PHF2: variants seen among roughly 807,000 people sequenced by gnomAD.
The protein encoded by PHF2 is lysine-specific demethylase PHF2.
PHF2 carries 27 observed loss-of-function variants against 120.5 expected under a neutral mutation model. That is an observed-to-expected ratio of 0.22 (90% CI 0.17 to 0.31). The LOEUF (loss-of-function observed/expected upper bound fraction) is 0.31. PHF2 is among the 10% of genes least tolerant of loss of function. The pLI is 1.00. For synonymous variants in PHF2, 568 were observed against 592.5 expected (o/e 0.96, Z 0.60); for missense variants, 1,024 against 1,434.8 (o/e 0.71, Z 4.63).
At chr9:93,648,939 C>T (rs908249558) in intron 4 of PHF2, 132 bp from the exon 5 acceptor site, 93 of 993,548 alleles carry the variant, frequency 9.4e-5, no homozygotes, top group African/African-American at 1.5e-4. Context: ...CTAGAGCCTC[C>T]GCATCCAGCC....
At chr9:93,676,020 G>C (rs1425224181) in intron 20 of PHF2, among the ~76,000 whole-genome samples, 1 of 152,204 alleles carries the variant, frequency 6.6e-6, no homozygotes, top group Non-Finnish European at 1.5e-5. Flanking sequence ...CCTGACACTG[G>C]ACAGCCCTAT....
intron 1 of PHF2, among the ~76,000 whole-genome samples, chr9:93,604,165 G>A (rs1331121641): frequency 3.3e-5 from 5 of 152,182 alleles, no homozygotes; most frequent in African/African-American, 9.7e-5. Flanking sequence ...AGGTTGATGT[G>A]TGGTAGGGAA....
intron 3 of PHF2, among the ~76,000 whole-genome samples, chr9:93,639,930 C>G (rs1335479083): frequency 1.3e-5 from 2 of 152,202 alleles, no homozygotes; most frequent in Admixed American, 6.5e-5. Flanking sequence ...AGTCTTGGTC[C>G]AAATATCACA....
At position 93,679,261 on chromosome 9, in the gene PHF2, G is replaced by T; in HGVS notation, c.*1585G>T. On this transcript the variant is annotated 3_prime_UTR_variant, in exon 22 of 22. Transcript: ENST00000359246. ...CACTTGTCCTGTTTGGAGGGACGCA[G>T]TCCCTAGGGCCCGAGACTGGGTGGG... The T allele has an allele frequency of 2.2e-6, 1 of 456,028 alleles. No individual in the cohort carries two copies. Among genetic ancestry groups the T allele is most frequent in the Non-Finnish European group, 4.4e-6 (1 of 226,958 alleles). The allele number at this position is 456,028 out of a possible 1,614,324, so 28.2% of individuals were successfully genotyped here.
rs146542386 is a variant in PHF2, at chr9:93,591,949, C to G, written c.98+15078C>G. ...TCTGGGCTGTGAATACATACCTGCC[C>G]GAGGGCATTGCTGGGAGAGCCAGCT... On this transcript the variant is annotated intron_variant, in intron 1 of 21. Coordinates refer to ENST00000359246, the MANE Select transcript of PHF2 (RefSeq NM_005392.4). 7.6e-4 allele frequency among the ~76,000 whole-genome samples: 116 copies of G among 152,344 alleles called. 1 individual carries two copies. Among genetic ancestry groups the G allele is most frequent in the African/African-American group, 2.5e-3 (106 of 41,586 alleles).
intron 1 of PHF2, among the ~76,000 whole-genome samples, chr9:93,588,046 A>G (rs1863090733): frequency 6.6e-6 from 1 of 152,126 alleles, no homozygotes; most frequent in Non-Finnish European, 1.5e-5. Context: ...GGAGGCCCCC[A>G]TGACAGTGAG....
At chr9:93,662,553 TG>T (rs1826591567) in intron 12 of PHF2, among the ~76,000 whole-genome samples, 1 of 149,950 alleles carries the variant, frequency 6.7e-6, no homozygotes, top group Non-Finnish European at 1.5e-5. Flanking sequence ...GATGGATGGA[TG>T]GATGGATGGA....
At chr9:93,577,754 C>T (rs1429058029) in intron 1 of PHF2, among the ~76,000 whole-genome samples, 1 of 152,208 alleles carries the variant, frequency 6.6e-6, no homozygotes, top group African/African-American at 2.4e-5. Flanking sequence ...CCCCCGCCCT[C>T]TTGGCCCTTG....
chr9:93,627,492 A>ATTTTTTTTGTTTTTTTTTTTTTTT (rs1825932217), intron 1 of PHF2, among the ~76,000 whole-genome samples: 1 of 108,176 alleles, frequency 9.2e-6, no homozygotes, highest in Non-Finnish European at 1.8e-5. Context: ...TTATTTCAGG[A>ATTTTTTTTGTTTTTTTTTTTTTTT]TTTTTTTTTT....
chr9:93,671,249 TAGATGC>T lies in PHF2; in HGVS notation c.2349-2333_2349-2328del, dbSNP rs1200447725. The T allele has an allele frequency of 4.1e-5, 38 of 924,408 alleles. 1 individual carries two copies. The highest frequency in any genetic ancestry group is 1.3e-4 in the East Asian group (1 of 7,840). The allele number at this position is 924,408 out of a possible 1,614,324, so 57.3% of individuals were successfully genotyped here. A position where few individuals can be genotyped will look rare whatever the true frequency, so the allele number is the denominator to read the frequency against. On this transcript the variant is annotated intron_variant, in intron 17 of 21. Transcript: ENST00000359246. ...AGGTGTGTGGGAGTAGGCACAGGTG[TAGATGC>T]AGGTGCGGGTGTGGGAGTAGGCACA...
At chr9:93,637,298 T>C (rs1826109323) in intron 3 of PHF2, among the ~76,000 whole-genome samples, 1 of 152,234 alleles carries the variant, frequency 6.6e-6, no homozygotes, top group Non-Finnish European at 1.5e-5. Flanking sequence ...ATTTTTTCTT[T>C]TCTGACCTTT....
rs1826247654 is a variant in PHF2, at chr9:93,645,786, G to T, written c.457G>T (p.Val153Leu). 6.3e-7 allele frequency: 1 copy of T among 1,587,950 alleles called. No homozygotes were observed. The highest frequency in any genetic ancestry group is 8.6e-7 in the Non-Finnish European group (1 of 1,166,194). Residue 153 changes from valine (V) to leucine (L), a missense_variant, in exon 4 of 22, where the codon GTG becomes TTG. This residue lies in a region of PHF2 where 347 missense variants were observed against 577.4 expected (regional missense o/e 0.60). Transcript: ENST00000359246. ...CTATGTCAGTGACGTCGAGAACTAC[G>T]TGGGTAAGCGCCATCCCCTTCACAG... Reference protein sequence around the residue: ...TFYVSDVENYVGPERSVDVTD... With the variant: ...TFYVSDVENYLGPERSVDVTD...
intron 1 of PHF2, among the ~76,000 whole-genome samples, chr9:93,594,218 A>AT (rs1284523045): frequency 2.9e-5 from 4 of 136,406 alleles, no homozygotes; most frequent in African/African-American, 1.1e-4. Context: ...CACAATGCAC[A>AT]TTAGCTTAGT....
At chr9:93,665,046 A>G (rs1040312265) in intron 14 of PHF2, among the ~76,000 whole-genome samples, 2 of 152,328 alleles carry the variant, frequency 1.3e-5, no homozygotes, top group Middle Eastern at 3.4e-3. Context: ...AACCCCTGGG[A>G]AGGCAAAGGC....
chr9:93,587,550 G>A (rs1290684438), intron 1 of PHF2, among the ~76,000 whole-genome samples: 2 of 151,900 alleles, frequency 1.3e-5, no homozygotes, highest in African/African-American at 4.8e-5. Context: ...AGGAGCCCCG[G>A]GTGAGGGATG....
chr9:93,643,878 C>G (rs886590015), intron 3 of PHF2, among the ~76,000 whole-genome samples: 1 of 152,110 alleles, frequency 6.6e-6, no homozygotes, highest in African/African-American at 2.4e-5. Flanking sequence ...GTCTCCTGGC[C>G]GTCCATATTT....
chr9:93,624,751 AATG>A (rs1267871196), intron 1 of PHF2, among the ~76,000 whole-genome samples: 29 of 117,316 alleles, frequency 2.5e-4, no homozygotes, highest in Non-Finnish European at 2.3e-4. Context: ...TGGTAATGAT[AATG>A]ATGATGGTGG....
Position 93,666,036 on chromosome 9 carries a change from A to G in PHF2, c.2163A>G (p.Pro721=). The change falls in exon 16 of 22, where the codon CCA becomes CCG. Residue 721 remains proline (P), a synonymous_variant. Transcript: ENST00000359246. ...KAVLPTPVTK[P]KLDSAAYKSD... is the part of the protein sequence containing the mutation. ...TGCTGCCCACGCCTGTCACGAAGCC[A>G]AAGCTGGACTCGGCAGCGTACAAGG... 6.2e-7 allele frequency: 1 copy of G among 1,613,022 alleles called. No homozygotes were observed. Among genetic ancestry groups the G allele is most frequent in the South Asian group, 1.1e-5 (1 of 91,054 alleles).
chr9:93,677,813 C>CGTCT lies in PHF2; in HGVS notation c.*141_*144dup, dbSNP rs144891060. ...TCCCGGCTGCCATCTCCCCAACAAG[C>CGTCT]GTCTGTCCCTTCAGCCGGCAGAGCG... is the stretch of plus-strand genomic sequence containing the variant. On this transcript the variant is annotated 3_prime_UTR_variant, in exon 22 of 22. Transcript: ENST00000359246. This position sits in a 1 kb window ranked among gnomAD's most constrained non-coding sequence, Gnocchi z 4.4. 1.5e-6 allele frequency: 1 copy of CGTCT among 647,436 alleles called. No homozygotes were observed. The highest frequency in any genetic ancestry group is 2.8e-6 in the Non-Finnish European group (1 of 362,782). The allele number at this position is 647,436 out of a possible 1,614,324, so 40.1% of individuals were successfully genotyped here. A position where few individuals can be genotyped will look rare whatever the true frequency, so the allele number is the denominator to read the frequency against.
Sources: gnomAD v4.1 joint callset for allele counts (sites outside exome capture counted in the v4.1 genomes callset) on GRCh38, gnomAD v4.1.1 for gene constraint, gnomAD v4.1.1 regional missense constraint, Gnocchi (gnomAD v3.1) non-coding constraint, MANE v1.5 for transcripts, NCBI Gene and HGNC (gene_info 2026-07-23, HGNC 2026-07-21) for gene names.